The following TAFA1 variants were observed in gnomAD, a reference collection of about 807,000 sequenced individuals.
TAFA1 encodes the protein chemokine-like protein TAFA-1.
A neutral mutation model predicts 18.5 loss-of-function variants in TAFA1; 4 were observed. The observed-to-expected ratio is 0.22, with a 90% CI of 0.11 to 0.49. TAFA1 has a LOEUF of 0.49. Ranked by LOEUF, TAFA1 falls within the 20% of genes least tolerant of loss-of-function variation. The pLI is 0.98. For missense variants in TAFA1, 147 were observed against 169.0 expected (o/e 0.87, Z 0.72); for synonymous variants, 56 against 55.2 (o/e 1.01, Z -0.06).
chr3:68,442,941 C>T (rs1403769451), intron 3 of TAFA1, among the ~76,000 whole-genome samples: 1 of 152,130 alleles, frequency 6.6e-6, no homozygotes, highest in Non-Finnish European at 1.5e-5. Context: ...TAGATATTTA[C>T]TTCTCATTCA....
intron 2 of TAFA1, among the ~76,000 whole-genome samples, chr3:68,254,125 GTATGTATGTATC>G (rs57581478): frequency 0.011 from 1,406 of 133,038 alleles, 16 homozygotes; most frequent in African/African-American, 0.034. Flanking sequence ...ATGTATGTAT[GTATGTATGTATC>G]TATCTATCTA....
intron 2 of TAFA1, among the ~76,000 whole-genome samples, chr3:68,217,926 T>A (rs1575686364): frequency 6.6e-6 from 1 of 152,030 alleles, no homozygotes; most frequent in East Asian, 1.9e-4. Flanking sequence ...GGTATTTAGA[T>A]TTGAATAAAA....
At chr3:68,201,294 C>A (rs969187815) in intron 2 of TAFA1, among the ~76,000 whole-genome samples, 1 of 151,518 alleles carries the variant, frequency 6.6e-6, no homozygotes, top group African/African-American at 2.4e-5. Flanking sequence ...TTCTATGACC[C>A]AGCATGTGGC....
chr3:68,011,002 A>C (rs932727354), intron 2 of TAFA1, among the ~76,000 whole-genome samples: 8 of 152,204 alleles, frequency 5.3e-5, no homozygotes, highest in African/African-American at 1.7e-4. Context: ...TTTGTGTAAC[A>C]GGTAAAAAAA....
At chr3:68,176,046 G>C (rs1480585230) in intron 2 of TAFA1, among the ~76,000 whole-genome samples, 1 of 152,162 alleles carries the variant, frequency 6.6e-6, no homozygotes, top group East Asian at 1.9e-4. Context: ...CATAAGATGT[G>C]AGTTGCTCCT....
intron 2 of TAFA1, among the ~76,000 whole-genome samples, chr3:68,356,415 CT>C (rs1157048044): frequency 6.6e-6 from 1 of 151,796 alleles, no homozygotes; most frequent in Non-Finnish European, 1.5e-5. Context: ...TGGGTTCTTT[CT>C]TTCTATGAAA....
At chr3:68,162,084 G>T (rs951442548) in intron 2 of TAFA1, among the ~76,000 whole-genome samples, 1 of 152,256 alleles carries the variant, frequency 6.6e-6, no homozygotes, top group South Asian at 2.1e-4. Context: ...TTTGCCAATT[G>T]CTGGCCTAGA....
At chr3:68,118,974 AT>A (rs1332808547) in intron 2 of TAFA1, among the ~76,000 whole-genome samples, 1 of 151,742 alleles carries the variant, frequency 6.6e-6, no homozygotes, top group Admixed American at 6.6e-5. Flanking sequence ...GGGCAACGTC[AT>A]TTTTCATCCC....
At chr3:68,293,866 T>TC (rs1391625268) in intron 2 of TAFA1, among the ~76,000 whole-genome samples, 1 of 152,104 alleles carries the variant, frequency 6.6e-6, no homozygotes, top group African/African-American at 2.4e-5. Context: ...GCTCCGTCTA[T>TC]CCCTCTTGTG....
At chr3:68,505,242 T>C (rs2072726945) in intron 3 of TAFA1, among the ~76,000 whole-genome samples, 1 of 152,150 alleles carries the variant, frequency 6.6e-6, no homozygotes, top group Non-Finnish European at 1.5e-5. Context: ...TACAAACTAC[T>C]GTCCTGGGAA....
At chr3:68,280,660 T>A (rs578218518) in intron 2 of TAFA1, among the ~76,000 whole-genome samples, 1 of 152,134 alleles carries the variant, frequency 6.6e-6, no homozygotes, top group South Asian at 2.1e-4. Context: ...TTAGAAAGAT[T>A]TTAATTTGAA....
At chr3:68,049,183 C>A (rs1329025329) in intron 2 of TAFA1, among the ~76,000 whole-genome samples, 2 of 152,156 alleles carry the variant, frequency 1.3e-5, no homozygotes, top group Admixed American at 6.6e-5. Flanking sequence ...TCTAAGACTG[C>A]TGAAGTTCAT....
chr3:68,252,547 C>G (rs1575710149), intron 2 of TAFA1, among the ~76,000 whole-genome samples: 1 of 152,274 alleles, frequency 6.6e-6, no homozygotes, highest in South Asian at 2.1e-4. Flanking sequence ...TCCACAGTCT[C>G]CACCACTCTG....
At chr3:68,306,539 G>A (rs1303997376) in intron 2 of TAFA1, among the ~76,000 whole-genome samples, 1 of 152,126 alleles carries the variant, frequency 6.6e-6, no homozygotes, top group Non-Finnish European at 1.5e-5. Flanking sequence ...TTTACATGCT[G>A]TCAAAAATAG....
At chr3:68,422,904 C>A (rs1018359875) in intron 3 of TAFA1, among the ~76,000 whole-genome samples, 2 of 151,818 alleles carry the variant, frequency 1.3e-5, no homozygotes, top group African/African-American at 4.8e-5. Flanking sequence ...TAGTTGAGAA[C>A]AACTAAAAAT....
At chr3:68,273,768 A>G (rs2067726195) in intron 2 of TAFA1, among the ~76,000 whole-genome samples, 1 of 152,196 alleles carries the variant, frequency 6.6e-6, no homozygotes, top group Admixed American at 6.5e-5. Flanking sequence ...CTAGGTGGTA[A>G]TAGTATAATG....
intron 2 of TAFA1, among the ~76,000 whole-genome samples, chr3:68,166,012 G>A (rs2065977726): frequency 6.6e-6 from 1 of 152,192 alleles, no homozygotes; most frequent in Admixed American, 6.5e-5. Flanking sequence ...ACCTTGAACG[G>A]TCTATAGGAA....
Position 68,275,950 on chromosome 3 carries a change from G to A in TAFA1, c.119-141330G>A, listed in dbSNP as rs909143838. Among the ~76,000 whole-genome samples the A allele has an allele frequency of 2.0e-5, 3 of 152,010 alleles. No homozygotes were observed. In the East Asian group the frequency reaches 5.8e-4, roughly 29 times the overall value. ...CTAGATGGTAAGTACCTGAGCATAG[G>A]GACCATGTCTTCCCACTTATTTCTG... On this transcript the variant is annotated intron_variant, in intron 2 of 4. Coordinates refer to ENST00000478136, the MANE Select transcript of TAFA1 (RefSeq NM_213609.4).
In TAFA1 at chr3:68,462,946, G is replaced by A. The variant is rs79986685; in HGVS notation, c.259+45526G>A. 1.6e-3 allele frequency among the ~76,000 whole-genome samples: 240 copies of A among 152,298 alleles called. 6 individuals are homozygous for A. The East Asian group carries it at 0.042, about 27-fold the overall frequency. ...TAGTGAATTCCAAAATTGGAAAGTAGTAAGGTAAACAAAACAACTCTCAAG... is the reference window on the plus strand; with the variant it reads ...TAGTGAATTCCAAAATTGGAAAGTAATAAGGTAAACAAAACAACTCTCAAG... On this transcript the variant is annotated intron_variant, in intron 3 of 4. Transcript: ENST00000478136.
Sources: gnomAD v4.1 joint callset for allele counts (sites outside exome capture counted in the v4.1 genomes callset) on GRCh38, gnomAD v4.1.1 for gene constraint, MANE v1.5 for transcripts, NCBI Gene and HGNC (gene_info 2026-07-23, HGNC 2026-07-21) for gene names.